The following GGT1 variants were observed in gnomAD, a reference collection of about 807,000 sequenced individuals.
GGT1 encodes glutathione hydrolase 1 proenzyme.
In GGT1, 21 loss-of-function variants were observed where a neutral mutation model predicts 56.0. That is an observed-to-expected ratio of 0.38 (90% CI 0.27 to 0.54). The LOEUF (loss-of-function observed/expected upper bound fraction) is 0.54. Among genes scored for constraint, GGT1 ranks in the 20% least tolerant of loss-of-function variants. GGT1 has a pLI of 0.82. For missense variants in GGT1, 466 were observed against 787.0 expected (o/e 0.59, Z 4.88); for synonymous variants, 238 against 342.6 (o/e 0.69, Z 3.37).
intron 1 of GGT1, among the ~76,000 whole-genome samples, chr22:24,605,024 A>G (rs1326565243): frequency 2.4e-5 from 2 of 83,640 alleles, no homozygotes; most frequent in Non-Finnish European, 2.0e-5. Context: ...CCTGTATGTC[A>G]TATATATATA....
intron 2 of GGT1, among the ~76,000 whole-genome samples, chr22:24,608,388 CCTA>C (rs1327105089): frequency 6.6e-6 from 1 of 152,216 alleles, no homozygotes; most frequent in East Asian, 1.9e-4. Flanking sequence ...CCTCCAGCAG[CCTA>C]CTTGGGCCTT....
upstream of GGT1, chr22:24,592,161 T>C (rs1048716392): frequency 1.1e-4 from 44 of 392,378 alleles, no homozygotes; most frequent in Admixed American, 1.0e-3. Context: ...GCCCAGGTGA[T>C]TGGGGGGACC....
At position 24,620,806 on chromosome 22, in the gene GGT1, C is replaced by T; in HGVS notation, c.576-107C>T. On this transcript the variant is annotated intron_variant, in intron 8 of 15. Transcript: ENST00000400382. The surrounding 1 kb of genome is among the most constrained non-coding windows in gnomAD (Gnocchi z 5.6). ...GAGTGACAGGGCCACCCACCTGTGA[C>T]AGGCGCTGCCCCTGTTCTGCTCCGT... 2.7e-6 allele frequency: 4 copies of T among 1,489,334 alleles called. No individual in the cohort carries two copies. Among genetic ancestry groups the T allele is most frequent in the South Asian group, 1.3e-5 (1 of 74,468 alleles). 92.3% of individuals were successfully genotyped at this position (1,489,334 alleles called of 1,614,324 possible).
intron 7 of GGT1, among the ~76,000 whole-genome samples, chr22:24,616,747 A>G (rs200667368): frequency 6.6e-6 from 1 of 151,326 alleles, no homozygotes; most frequent in African/African-American, 2.4e-5. Context: ...GGTTTTCACT[A>G]TGTTGCCCAG....
chr22:24,604,196 AGGGGT>A (rs2045886873), intron 1 of GGT1, among the ~76,000 whole-genome samples: 2 of 75,494 alleles, frequency 2.6e-5, no homozygotes, highest in Admixed American at 3.2e-4. Flanking sequence ...TGGCAGGGTA[AGGGGT>A]GGGTGGGTCC....
chr22:24,604,223 G>A (rs1363097287), intron 1 of GGT1, among the ~76,000 whole-genome samples: 1 of 152,076 alleles, frequency 6.6e-6, no homozygotes, highest in South Asian at 2.1e-4. Flanking sequence ...GGGCTTACCC[G>A]CAGGTCTGCA....
the GGT1 span, chr22:24,588,159 T>G: frequency 2.9e-6 from 4 of 1,401,052 alleles, no homozygotes; most frequent in Non-Finnish European, 4.0e-6. Context: ...GGTGTCAACC[T>G]GAGAAGGGAC....
At chr22:24,593,227 T>G, upstream of GGT1, 1 of 456,260 alleles carries the variant, frequency 2.2e-6, no homozygotes, top group Non-Finnish European at 2.9e-6. Context: ...CTGATCACAC[T>G]GGAGGAGGCC....
chr22:24,595,499 TC>T (rs2045677421), intron 1 of GGT1, among the ~76,000 whole-genome samples: 1 of 152,224 alleles, frequency 6.6e-6, no homozygotes. Flanking sequence ...TGCGATGTTG[TC>T]CTCTCAGTTC....
intron 1 of GGT1, among the ~76,000 whole-genome samples, chr22:24,595,990 G>C (rs913210745): frequency 2.9e-4 from 44 of 152,356 alleles, no homozygotes; most frequent in Admixed American, 2.3e-3. Context: ...GGGGGCATTC[G>C]CTAGGAGGAA....
In GGT1 at chr22:24,614,791, C is replaced by T. The variant is rs191957455; in HGVS notation, c.180C>T (p.Asp60=). 232 of 1,613,490 alleles carry T rather than the reference C, an allele frequency of 1.4e-4. No homozygotes were observed. Among genetic ancestry groups the T allele is most frequent in the Middle Eastern group, 5.0e-4 (3 of 5,994 alleles). ...CACATGGCAGGGATGCACTGCGGGACGGTGGCTCTGCGGTGGATGCAGCCA... is the reference window on the plus strand; with the variant it reads ...CACATGGCAGGGATGCACTGCGGGATGGTGGCTCTGCGGTGGATGCAGCCA... The part of the protein sequence containing the change: ...CSKIGRDALR[D]GGSAVDAAIA... Residue 60 remains aspartate (D), a synonymous_variant, in exon 6 of 16, where the codon GAC becomes GAT. Transcript: ENST00000400382.
the GGT1 span, chr22:24,585,654 G>T: frequency 1.8e-6 from 1 of 571,294 alleles, no homozygotes; most frequent in Non-Finnish European, 3.1e-6. Context: ...ACTCTTTATT[G>T]CGGGGTCCAC....
intron 9 of GGT1, 144 bp from the exon 10 acceptor site, chr22:24,622,963 C>T (rs2047525400): frequency 7.4e-6 from 6 of 811,282 alleles, no homozygotes; most frequent in Non-Finnish European, 1.2e-5. Context: ...CAGTAGTGCA[C>T]TCTGTCCTCC....
intron 7 of GGT1, among the ~76,000 whole-genome samples, chr22:24,616,152 C>T (rs1036905613): frequency 6.6e-6 from 1 of 151,388 alleles, no homozygotes. Context: ...CACAGGCTCA[C>T]GCCTGTAATC....
At chr22:24,587,565 C>T in the GGT1 span, among the ~76,000 whole-genome samples, 1 of 152,104 alleles carries the variant, frequency 6.6e-6, no homozygotes, top group Non-Finnish European at 1.5e-5. Flanking sequence ...AAGCTCCCGG[C>T]AGCAGTTCAG....
chr22:24,618,850 G>A (rs1281507605), intron 7 of GGT1, among the ~76,000 whole-genome samples: 1 of 152,198 alleles, frequency 6.6e-6, no homozygotes, highest in East Asian at 1.9e-4. Flanking sequence ...AGAGGCCATA[G>A]TTGTACCTTT....
upstream of GGT1, chr22:24,592,400 C>T (rs2045596001): frequency 2.1e-6 from 1 of 470,846 alleles, no homozygotes; most frequent in South Asian, 1.5e-5. Flanking sequence ...GGTCCTCTCT[C>T]CAGGGTCCAC....
chr22:24,586,175 A>T, the GGT1 span: 4 of 1,613,700 alleles, frequency 2.5e-6, no homozygotes, highest in Non-Finnish European at 3.4e-6. Context: ...GGCCCGCGTC[A>T]GTCGGTTGCC....
chr22:24,586,004 T>C, the GGT1 span: 2 of 1,610,848 alleles, frequency 1.2e-6, no homozygotes, highest in Non-Finnish European at 1.7e-6. Flanking sequence ...CAGGCCCTCG[T>C]AGATGGTGGG....
Sources: gnomAD v4.1 joint callset for allele counts (sites outside exome capture counted in the v4.1 genomes callset) on GRCh38, gnomAD v4.1.1 for gene constraint, Gnocchi (gnomAD v3.1) non-coding constraint, MANE v1.5 for transcripts, NCBI Gene and HGNC (gene_info 2026-07-23, HGNC 2026-07-21) for gene names.